Variants in MAML3 observed in about 807,000 individuals in gnomAD.
MAML3 encodes mastermind like transcriptional coactivator 3, also known as mastermind-like protein 3.
MAML3 carries 27 observed loss-of-function variants against 101.9 expected under a neutral mutation model. That is an observed-to-expected ratio of 0.27 (90% CI 0.20 to 0.37). The LOEUF is 0.37. MAML3 is among the 10% of genes least tolerant of loss of function. The probability of loss-of-function intolerance (pLI) is 1.00; values close to 1 mark genes in which losing one functional copy is unlikely to be tolerated. For synonymous variants in MAML3, 501 were observed against 555.9 expected (o/e 0.90, Z 1.39); for missense variants, 1,316 against 1,444.9 (o/e 0.91, Z 1.45).
At position 139,832,994 on chromosome 4, in the gene MAML3, G is replaced by A. The variant is rs932448065; in HGVS notation, c.2079+56363C>T. 6.6e-5 allele frequency among the ~76,000 whole-genome samples: 10 copies of A among 152,206 alleles called. No individual in the cohort carries two copies. The East Asian group carries it at 1.9e-3, about 29-fold the overall frequency. ...AACAGTAATTTATGATTTTGCTGGT[G>A]TATTATCATCCACTAATAAGTGCAA... On this transcript the variant is annotated intron_variant, in intron 2 of 4. Coordinates refer to ENST00000509479, the MANE Select transcript of MAML3 (RefSeq NM_018717.5).
At chr4:139,747,407 T>C (rs1422796017) in intron 2 of MAML3, among the ~76,000 whole-genome samples, 5 of 152,214 alleles carry the variant, frequency 3.3e-5, no homozygotes, top group African/African-American at 1.2e-4. Flanking sequence ...AATGTCTTCC[T>C]TGTAGGTCGG....
At chr4:140,056,800 G>T (rs1244583112) in intron 1 of MAML3, among the ~76,000 whole-genome samples, 1 of 142,614 alleles carries the variant, frequency 7.0e-6, no homozygotes, top group African/African-American at 2.6e-5. Context: ...GACAGAGCAA[G>T]ACTCTGTCTC....
intron 2 of MAML3, among the ~76,000 whole-genome samples, chr4:139,822,077 A>G (rs979028353): frequency 2.0e-5 from 3 of 152,124 alleles, no homozygotes; most frequent in African/African-American, 7.2e-5. Context: ...CATCACCATC[A>G]TCATCACCAT....
intron 1 of MAML3, among the ~76,000 whole-genome samples, chr4:139,994,588 A>C (rs1442333685): frequency 6.6e-6 from 1 of 152,140 alleles, no homozygotes; most frequent in East Asian, 1.9e-4. Flanking sequence ...TGAGCTCAGG[A>C]GTCTGAGGTT....
intron 1 of MAML3, among the ~76,000 whole-genome samples, chr4:139,891,461 A>G (rs539232854): frequency 4.6e-5 from 7 of 152,110 alleles, no homozygotes; most frequent in Non-Finnish European, 8.8e-5. Flanking sequence ...TATTTTTTGT[A>G]GAGATGGGGT....
chr4:140,059,709 G>A (rs934968930), intron 1 of MAML3, among the ~76,000 whole-genome samples: 5 of 152,120 alleles, frequency 3.3e-5, no homozygotes, highest in African/African-American at 1.2e-4. Flanking sequence ...AGGCTGGGGT[G>A]AAAACTGACC....
chr4:139,895,685 A>C (rs1462846835), intron 1 of MAML3, among the ~76,000 whole-genome samples: 1 of 152,218 alleles, frequency 6.6e-6, no homozygotes, highest in Non-Finnish European at 1.5e-5. Context: ...GCAAAACCCT[A>C]ATGTTTTCTA....
rs116665338 is a variant in MAML3 at position 139,915,575 on chromosome 4, T to C, written c.469-24608A>G. On this transcript the variant is annotated intron_variant, in intron 1 of 4. Transcript: ENST00000509479. ...TCAGAAATGTCCGTGTAGGCTACGA[T>C]TGAGATCTACTAATGGCTAAGTTAC... Among the ~76,000 whole-genome samples, 257 of 152,274 alleles carry C rather than the reference T, an allele frequency of 1.7e-3. 1 individual carries two copies. Among genetic ancestry groups the C allele is most frequent in the African/African-American group, 6.0e-3 (251 of 41,554 alleles).
intron 2 of MAML3, among the ~76,000 whole-genome samples, chr4:139,887,622 G>A (rs1732369717): frequency 6.6e-6 from 1 of 152,234 alleles, no homozygotes; most frequent in African/African-American, 2.4e-5. Context: ...TAGTGGGGGT[G>A]AGGATAGGTG....
chr4:139,754,919 C>T (rs1729613175), intron 2 of MAML3, among the ~76,000 whole-genome samples: 1 of 152,160 alleles, frequency 6.6e-6, no homozygotes, highest in Non-Finnish European at 1.5e-5. Flanking sequence ...GCCCAAAGTC[C>T]CAGGAGCAGG....
chr4:139,794,058 G>C (rs2111094889), intron 2 of MAML3: 1 of 152,274 alleles, frequency 6.6e-6, no homozygotes, highest in South Asian at 2.1e-4. Flanking sequence ...TGATCCCCTG[G>C]CCTTGTTATG....
intron 1 of MAML3, among the ~76,000 whole-genome samples, chr4:140,142,872 A>C (rs1728998317): frequency 6.6e-6 from 1 of 152,210 alleles, no homozygotes; most frequent in Non-Finnish European, 1.5e-5. Context: ...AGCCATGATC[A>C]TGATGCTACA....
At position 139,953,709 on chromosome 4, in the gene MAML3, G is replaced by A. The variant is rs565082094; in HGVS notation, c.469-62742C>T. The stretch of plus-strand genomic sequence containing the variant: ...ATGCACACTACTACTAGTCCCCAGG[G>A]CCTTTTTCGAAACCAGTGGTACAAA... On this transcript the variant is annotated intron_variant, in intron 1 of 4. Coordinates refer to ENST00000509479, the MANE Select transcript of MAML3 (RefSeq NM_018717.5). Among the ~76,000 whole-genome samples the A allele has an allele frequency of 5.1e-4, 78 of 152,332 alleles. 1 individual carries two copies. In the South Asian group the frequency reaches 0.016, roughly 30 times the overall value.
chr4:139,930,357 T>C (rs903880257), intron 1 of MAML3, among the ~76,000 whole-genome samples: 3 of 152,070 alleles, frequency 2.0e-5, no homozygotes, highest in African/African-American at 7.2e-5. Context: ...AAGGTGCGGA[T>C]GAAGACCGTT....
At chr4:139,895,565 T>C (rs780341749) in intron 1 of MAML3, among the ~76,000 whole-genome samples, 21 of 152,164 alleles carry the variant, frequency 1.4e-4, no homozygotes, top group Non-Finnish European at 2.2e-4. Flanking sequence ...AAGTCTTAGC[T>C]TTACCATTTT....
intron 1 of MAML3, among the ~76,000 whole-genome samples, chr4:140,018,499 C>T (rs1521491): frequency 0.69 from 105,739 of 152,152 alleles, 40,280 homozygotes; most frequent in East Asian, 0.94. Flanking sequence ...TATTTGGCCC[C>T]GAGTTACAAA....
At chr4:139,846,734 C>T (rs1731458227) in intron 2 of MAML3, among the ~76,000 whole-genome samples, 1 of 152,208 alleles carries the variant, frequency 6.6e-6, no homozygotes, top group Admixed American at 6.5e-5. Context: ...CTTTAAAATA[C>T]AGCTCCATTA....
intron 2 of MAML3, among the ~76,000 whole-genome samples, chr4:139,777,216 A>T (rs556591752): frequency 6.6e-6 from 1 of 152,224 alleles, no homozygotes; most frequent in Non-Finnish European, 1.5e-5. Flanking sequence ...GCTGACTAAC[A>T]TGGATCTTAG....
At chr4:139,973,510 C>T (rs1238798688) in intron 1 of MAML3, among the ~76,000 whole-genome samples, 1 of 152,202 alleles carries the variant, frequency 6.6e-6, no homozygotes, top group Non-Finnish European at 1.5e-5. Flanking sequence ...GGACCACAGA[C>T]TCTTGGAAAC....
Sources: gnomAD v4.1 joint callset for allele counts (sites outside exome capture counted in the v4.1 genomes callset) on GRCh38, gnomAD v4.1.1 for gene constraint, MANE v1.5 for transcripts, NCBI Gene and HGNC (gene_info 2026-07-23, HGNC 2026-07-21) for gene names.